The following RBM41 variants were observed in gnomAD, a reference collection of about 807,000 sequenced individuals.
RBM41 encodes the protein RNA binding motif protein 41, also known as RNA-binding protein 41.
Under a neutral mutation model 30.8 loss-of-function variants are expected in RBM41, and 14 were observed. The ratio of observed to expected loss-of-function variants is 0.45; its 90% confidence interval spans 0.30 to 0.71. The LOEUF is 0.71. RBM41 is among the 30% of genes least tolerant of loss of function. The pLI is 0.08. For missense variants in RBM41, 276 were observed against 326.3 expected (o/e 0.85, Z 1.19); for synonymous variants, 120 against 110.1 (o/e 1.09, Z -0.56).
rs1227707189 is a variant in RBM41, at chrX:107,064,529, G to T, written c.*2998C>A. 1 of 110,254 alleles carries T rather than the reference G, an allele frequency of 9.1e-6. No homozygotes were observed. Among genetic ancestry groups the T allele is most frequent in the Non-Finnish European group, 1.9e-5 (1 of 52,836 alleles). The allele number at this position is 110,254 out of a possible 1,213,427, so 9.1% of individuals were successfully genotyped here. ...CTACCAAAGTGCTGAGATTTCAGGCGTGAGCTACTGCACCCAGCCAGTCAC... is the reference window on the plus strand; with the variant it reads ...CTACCAAAGTGCTGAGATTTCAGGCTTGAGCTACTGCACCCAGCCAGTCAC... On this transcript the variant is annotated 3_prime_UTR_variant, in exon 8 of 8. Coordinates refer to ENST00000685964, the MANE Select transcript of RBM41 (RefSeq NM_001324242.2).
chrX:107,098,769 G>A (rs1391041172), intron 5 of RBM41, among the ~76,000 whole-genome samples: 1 of 111,722 alleles, frequency 9.0e-6, no homozygotes, highest in Non-Finnish European at 1.9e-5. Context: ...GGGAGGCCAA[G>A]GAGGGCAGAT....
chrX:107,055,322 AT>A, the RBM41 span, among the ~76,000 whole-genome samples: 4 of 111,311 alleles, frequency 3.6e-5, no homozygotes, highest in African/African-American at 1.3e-4. Flanking sequence ...TACAAGTTTT[AT>A]TTTTTTATTA....
intron 6 of RBM41, among the ~76,000 whole-genome samples, chrX:107,075,083 T>C (rs1450003118): frequency 9.0e-6 from 1 of 111,730 alleles, no homozygotes; most frequent in Non-Finnish European, 1.9e-5. Flanking sequence ...TGGAACCAAT[T>C]TGAGAGTCTA....
chrX:107,092,938 T>G (rs1283475220), intron 5 of RBM41, among the ~76,000 whole-genome samples: 1 of 111,897 alleles, frequency 8.9e-6, no homozygotes, highest in Admixed American at 9.5e-5. Flanking sequence ...TATTTATAAT[T>G]GCCCAGAGTT....
At chrX:107,068,140 T>C (rs1935911955) in intron 7 of RBM41, among the ~76,000 whole-genome samples, 1 of 111,169 alleles carries the variant, frequency 9.0e-6, no homozygotes, top group African/African-American at 3.3e-5. Context: ...TGGGCCACCT[T>C]ATTGGGATAA....
At chrX:107,080,005 G>A (rs1304281978) in intron 6 of RBM41, among the ~76,000 whole-genome samples, 1 of 111,660 alleles carries the variant, frequency 9.0e-6, no homozygotes, top group African/African-American at 3.3e-5. Context: ...TCTGCCACAG[G>A]TGAATGTATC....
intron 6 of RBM41, among the ~76,000 whole-genome samples, chrX:107,074,214 AC>A (rs1936160054): frequency 9.0e-6 from 1 of 111,701 alleles, no homozygotes; most frequent in Non-Finnish European, 1.9e-5. Context: ...ATGTATCGAA[AC>A]ATCAGTATGT....
downstream of RBM41, among the ~76,000 whole-genome samples, chrX:107,057,934 T>C (rs1383673442): frequency 1.8e-5 from 2 of 111,679 alleles, no homozygotes; most frequent in Admixed American, 9.5e-5. Flanking sequence ...AAAGAAAACA[T>C]ACAAATTGCC....
the RBM41 span, among the ~76,000 whole-genome samples, chrX:107,053,111 T>C: frequency 8.9e-6 from 1 of 111,959 alleles, no homozygotes; most frequent in Non-Finnish European, 1.9e-5. Context: ...TGAGTAGAGG[T>C]TGTGATACTG....
chrX:107,098,999 A>G (rs1923220759), intron 5 of RBM41, among the ~76,000 whole-genome samples: 1 of 107,418 alleles, frequency 9.3e-6, no homozygotes. Flanking sequence ...TTTGTCTCAG[A>G]AAAAAAAAAG....
At chrX:107,090,570 A>C (rs899777375) in intron 5 of RBM41, among the ~76,000 whole-genome samples, 2 of 111,137 alleles carry the variant, frequency 1.8e-5, no homozygotes, top group Non-Finnish European at 3.8e-5. Context: ...GGCACAGCCA[A>C]ATATCCTAAG....
downstream of RBM41, among the ~76,000 whole-genome samples, chrX:107,057,978 A>G (rs1455043271): frequency 4.5e-5 from 5 of 111,804 alleles, no homozygotes; most frequent in Admixed American, 1.9e-4. Flanking sequence ...AACATCACTA[A>G]TCATCAGGAA....
chrX:107,085,142 G>A (rs1183272467), intron 6 of RBM41, among the ~76,000 whole-genome samples: 2 of 111,432 alleles, frequency 1.8e-5, no homozygotes, highest in African/African-American at 3.3e-5. Flanking sequence ...GACTTACAGT[G>A]TATGAAGATC....
chrX:107,104,538 C>T (rs1474954057), intron 5 of RBM41, among the ~76,000 whole-genome samples: 1 of 110,909 alleles, frequency 9.0e-6, no homozygotes, highest in African/African-American at 3.3e-5. Context: ...TTAATATTAT[C>T]TTTTTTAGGG....
intron 4 of RBM41, among the ~76,000 whole-genome samples, chrX:107,113,795 A>G (rs182302325): frequency 1.8e-5 from 2 of 111,784 alleles, no homozygotes; most frequent in Non-Finnish European, 1.9e-5. Flanking sequence ...TCATTTGTTC[A>G]TTCATTCCTT....
Position 107,062,047 on chromosome X carries a change from T to G in RBM41, c.*5480A>C, listed in dbSNP as rs1048907166. On this transcript the variant is annotated 3_prime_UTR_variant, in exon 8 of 8. Coordinates refer to ENST00000685964, the MANE Select transcript of RBM41 (RefSeq NM_001324242.2). ...AATTATTAAGACAAATTCCTCATGC[T>G]ACCACTTTGTAGTCAAGGAGCATTC... Among the ~76,000 whole-genome samples the G allele has an allele frequency of 2.7e-5, 3 of 112,297 alleles. No homozygotes were observed. The highest frequency in any genetic ancestry group is 9.7e-5 in the African/African-American group (3 of 30,913).
chrX:107,061,914 A>T lies in RBM41; in HGVS notation c.*5613T>A, dbSNP rs1437850860. ...TCTTTCCTCCATAAAAATAACATTT[A>T]TTTAAAAAAATTACACACAGTAAAA... On this transcript the variant is annotated 3_prime_UTR_variant, in exon 8 of 8. Transcript: ENST00000685964. 8.9e-6 allele frequency among the ~76,000 whole-genome samples: 1 copy of T among 112,412 alleles called. No homozygotes were observed. Among genetic ancestry groups the T allele is most frequent in the Non-Finnish European group, 1.9e-5 (1 of 53,295 alleles).
chrX:107,102,370 T>G (rs1167008306), intron 5 of RBM41, among the ~76,000 whole-genome samples: 1 of 111,231 alleles, frequency 9.0e-6, no homozygotes, highest in Non-Finnish European at 1.9e-5. Context: ...GGACAACACT[T>G]GATGATTGGG....
intron 5 of RBM41, among the ~76,000 whole-genome samples, chrX:107,095,910 G>A (rs1379286530): frequency 5.4e-5 from 6 of 111,076 alleles, no homozygotes; most frequent in Admixed American, 2.9e-4. Flanking sequence ...CTAGCTATTC[G>A]GGAGGCTGAG....
Sources: allele counts gnomAD v4.1 joint callset (sites outside exome capture counted in the v4.1 genomes callset), GRCh38; gene constraint gnomAD v4.1.1; transcripts MANE v1.5; gene names NCBI Gene and HGNC (gene_info 2026-07-23, HGNC 2026-07-21).